Variants in RYR3 observed in about 807,000 individuals in gnomAD.
RYR3 encodes ryanodine receptor 3.
In RYR3, 207 loss-of-function variants were observed where a neutral mutation model predicts 584.3. The ratio of observed to expected loss-of-function variants is 0.35; its 90% CI spans 0.32 to 0.40. RYR3 has a LOEUF of 0.40. Among genes scored for constraint, RYR3 ranks in the 10% least tolerant of loss-of-function variants. RYR3 has a pLI of 1.00. For missense variants in RYR3, 5,616 were observed against 6,089.2 expected (o/e 0.92, Z 2.59); for synonymous variants, 2,416 against 2,248.5 (o/e 1.07, Z -2.11).
chr15:33,408,913 T>TA (rs1035459508), intron 1 of RYR3, among the ~76,000 whole-genome samples: 95 of 152,330 alleles, frequency 6.2e-4, no homozygotes, highest in African/African-American at 2.2e-3. Context: ...GTCATCTACT[T>TA]AGAGTGATCT....
intron 65 of RYR3, 62 bp downstream of exon 65, chr15:33,780,403 C>A (rs2074314738): frequency 6.4e-7 from 1 of 1,566,380 alleles, no homozygotes; most frequent in South Asian, 1.2e-5. Flanking sequence ...AGGAGCCACA[C>A]AGGCAGGGAG....
chr15:33,382,609 A>T (rs1278608900), intron 1 of RYR3, among the ~76,000 whole-genome samples: 1 of 152,180 alleles, frequency 6.6e-6, no homozygotes, highest in Non-Finnish European at 1.5e-5. Flanking sequence ...GACATGAGCC[A>T]CCGTGCCCAC....
chr15:33,784,121 T>C (rs563697577), intron 65 of RYR3, among the ~76,000 whole-genome samples: 1 of 152,338 alleles, frequency 6.6e-6, no homozygotes, highest in East Asian at 1.9e-4. Context: ...CTGGGATCCA[T>C]TGCTTTGCAA....
At chr15:33,619,372 G>C (rs534871516) in intron 19 of RYR3, among the ~76,000 whole-genome samples, 1 of 152,084 alleles carries the variant, frequency 6.6e-6, no homozygotes, top group Non-Finnish European at 1.5e-5. Context: ...TGATTCCATG[G>C]AACTCAAGGA....
At chr15:33,835,498 G>C (rs1285493494) in intron 87 of RYR3, among the ~76,000 whole-genome samples, 1 of 151,876 alleles carries the variant, frequency 6.6e-6, no homozygotes, top group East Asian at 1.9e-4. Flanking sequence ...CCCTGTCTCT[G>C]CCTCTCCTTC....
chr15:33,812,230 G>T (rs1294257765), intron 72 of RYR3, among the ~76,000 whole-genome samples: 1 of 151,932 alleles, frequency 6.6e-6, no homozygotes, highest in East Asian at 1.9e-4. Context: ...TAAAATACAA[G>T]CTGAGATACC....
At chr15:33,461,172 CTGACCTCG>C (rs1393443342) in intron 1 of RYR3, among the ~76,000 whole-genome samples, 1 of 151,894 alleles carries the variant, frequency 6.6e-6, no homozygotes, top group Non-Finnish European at 1.5e-5. Context: ...TCTTGATCTC[CTGACCTCG>C]TGACCCGCCC....
chr15:33,483,738 C>A (rs1301184950), intron 2 of RYR3, among the ~76,000 whole-genome samples: 2 of 152,142 alleles, frequency 1.3e-5, no homozygotes, highest in African/African-American at 4.8e-5. Context: ...TATGAGTTGG[C>A]AAACAAATTG....
At chr15:33,353,030 T>TC (rs397824272) in intron 1 of RYR3, among the ~76,000 whole-genome samples, 1 of 9,492 alleles carries the variant, frequency 1.1e-4, no homozygotes, top group Non-Finnish European at 1.8e-4. Context: ...TGAAACCTTC[T>TC]CTGACATTTA....
At chr15:33,819,349 C>T (rs1348512628) in intron 76 of RYR3, among the ~76,000 whole-genome samples, 1 of 152,120 alleles carries the variant, frequency 6.6e-6, no homozygotes, top group Non-Finnish European at 1.5e-5. Flanking sequence ...ATTTATATGA[C>T]TCTTAGTCTT....
intron 46 of RYR3, among the ~76,000 whole-genome samples, chr15:33,727,258 A>T (rs570228954): frequency 1.1e-4 from 16 of 151,960 alleles, no homozygotes; most frequent in Admixed American, 3.3e-4. Flanking sequence ...CAAAACTTAT[A>T]CTCTCCTCGA....
intron 73 of RYR3, 115 bp downstream of exon 73, chr15:33,813,109 G>A: frequency 3.7e-6 from 5 of 1,355,170 alleles, no homozygotes; most frequent in South Asian, 1.4e-5. Flanking sequence ...AGAAAACAAG[G>A]ACCAAGGATC....
intron 13 of RYR3, among the ~76,000 whole-genome samples, chr15:33,580,747 G>A (rs2058548098): frequency 6.6e-6 from 1 of 152,196 alleles, no homozygotes; most frequent in Non-Finnish European, 1.5e-5. Context: ...GGCCATGGTT[G>A]TACTTCTGGG....
intron 69 of RYR3, among the ~76,000 whole-genome samples, chr15:33,806,294 G>A (rs533849433): frequency 1.3e-5 from 2 of 152,284 alleles, no homozygotes; most frequent in East Asian, 3.9e-4. Context: ...AACCACTGGT[G>A]ATAGTTTATG....
chr15:33,748,046 G>A, intron 53 of RYR3, 68 bp from the exon 54 acceptor site: 1 of 1,493,928 alleles, frequency 6.7e-7, no homozygotes, highest in Non-Finnish European at 9.3e-7. Flanking sequence ...CACCTTCCAT[G>A]CGGAGATGGG....
At chr15:33,497,649 T>C (rs1021222692) in intron 2 of RYR3, among the ~76,000 whole-genome samples, 2 of 152,216 alleles carry the variant, frequency 1.3e-5, no homozygotes, top group African/African-American at 2.4e-5. Flanking sequence ...GATTGATATA[T>C]ACAATATGTA....
Position 33,414,714 on chromosome 15 carries a change from C to T in RYR3, c.52-58705C>T, listed in dbSNP as rs375753170. Among the ~76,000 whole-genome samples the T allele has an allele frequency of 8.5e-5, 13 of 152,224 alleles. No homozygotes were observed. The East Asian group carries it at 1.2e-3, about 14-fold the overall frequency. ...CCGCCTCCTGGGTTCACGCCATTCC[C>T]GCGCCTCAGCCTCCCAAGTAGCTGG... is the stretch of plus-strand genomic sequence containing the variant. On this transcript the variant is annotated intron_variant, in intron 1 of 103. Transcript: ENST00000634891.
intron 3 of RYR3, among the ~76,000 whole-genome samples, chr15:33,506,101 G>A (rs1044909888): frequency 2.6e-5 from 4 of 152,130 alleles, no homozygotes; most frequent in African/African-American, 9.7e-5. Flanking sequence ...AAAAGTTCTG[G>A]TTTTTCCTTG....
At chr15:33,752,707 T>C (rs1351124889) in intron 57 of RYR3, among the ~76,000 whole-genome samples, 7 of 152,332 alleles carry the variant, frequency 4.6e-5, no homozygotes, top group East Asian at 3.9e-4. Context: ...CTTTTCCTAA[T>C]TGAATACCCT....
Sources: gnomAD v4.1 joint callset for allele counts (sites outside exome capture counted in the v4.1 genomes callset) on GRCh38, gnomAD v4.1.1 for gene constraint, MANE v1.5 for transcripts, NCBI Gene and HGNC (gene_info 2026-07-23, HGNC 2026-07-21) for gene names.